Variants in MYT1L observed in about 807,000 individuals in gnomAD.
MYT1L encodes the protein myelin transcription factor 1 like, also known as myelin transcription factor 1-like protein.
In MYT1L, 12 loss-of-function variants were observed where a neutral mutation model predicts 126.7. The ratio of observed to expected loss-of-function variants is 0.09; its 90% CI spans 0.06 to 0.15. The LOEUF (loss-of-function observed/expected upper bound fraction) is 0.15, where lower values mean the gene tolerates loss of function less well. MYT1L is among the 10% of genes least tolerant of loss of function. The probability of loss-of-function intolerance (pLI) is 1.00; values close to 1 mark genes in which losing one functional copy is unlikely to be tolerated. For missense variants in MYT1L, 979 were observed against 1,585.2 expected (o/e 0.62, Z 6.49); for synonymous variants, 541 against 604.2 (o/e 0.90, Z 1.53).
At position 1,892,100 on chromosome 2, in the gene MYT1L, G is replaced by T; in HGVS notation, c.2220C>A (p.Ser740=). The part of the protein sequence containing the change: ...HMAATAILNL[S]TRCREMPQNL... Reference sequence around the variant, plus strand: ...TCTGCGGCATCTCGCGGCAGCGCGTGGACAGGTTGAGGATGGCGGTGGCCG... The same window carrying T: ...TCTGCGGCATCTCGCGGCAGCGCGTTGACAGGTTGAGGATGGCGGTGGCCG... The change falls in exon 15 of 25, where the codon TCC becomes TCA. Residue 740 remains serine (S), a synonymous_variant. Coordinates refer to ENST00000647738, the MANE Select transcript of MYT1L (RefSeq NM_001303052.2). 1 of 1,545,358 alleles carries T rather than the reference G, an allele frequency of 6.5e-7. No individual in the cohort carries two copies. The highest frequency in any genetic ancestry group is 2.4e-5 in the East Asian group (1 of 40,894).
chr2:1,959,884 A>G (rs2058818625), intron 8 of MYT1L, among the ~76,000 whole-genome samples: 1 of 152,234 alleles, frequency 6.6e-6, no homozygotes. Flanking sequence ...ATCATATCTT[A>G]TTATGAATTA....
intron 21 of MYT1L, among the ~76,000 whole-genome samples, chr2:1,838,410 C>T (rs959832825): frequency 6.6e-6 from 1 of 152,150 alleles, no homozygotes; most frequent in African/African-American, 2.4e-5. Flanking sequence ...GTGTGATTTT[C>T]GTAGAAAGTG....
intron 3 of MYT1L, among the ~76,000 whole-genome samples, chr2:2,079,951 G>C (rs1034731406): frequency 6.6e-6 from 1 of 152,144 alleles, no homozygotes; most frequent in Admixed American, 6.5e-5. Flanking sequence ...AACTGAGAGA[G>C]GATGGTACCA....
At chr2:2,271,317 C>T (rs1472824091) in intron 2 of MYT1L, among the ~76,000 whole-genome samples, 6 of 152,202 alleles carry the variant, frequency 3.9e-5, no homozygotes, top group African/African-American at 1.4e-4. Flanking sequence ...GGAGCTCTCT[C>T]ATTTTGTTTA....
chr2:2,211,616 G>A (rs1054945171), intron 2 of MYT1L, among the ~76,000 whole-genome samples: 1 of 151,912 alleles, frequency 6.6e-6, no homozygotes, highest in Admixed American at 6.6e-5. Flanking sequence ...GAACAGCCTA[G>A]CCAACATGGT....
chr2:2,167,807 G>A (rs944579432), intron 3 of MYT1L, among the ~76,000 whole-genome samples: 11 of 152,166 alleles, frequency 7.2e-5, no homozygotes, highest in Non-Finnish European at 1.5e-5. Context: ...GTGTTCTCTT[G>A]TTGTGGTTGT....
chr2:1,988,804 C>T (rs529071285), intron 5 of MYT1L, among the ~76,000 whole-genome samples: 59 of 152,336 alleles, frequency 3.9e-4, no homozygotes, highest in African/African-American at 1.3e-3. Context: ...GCTGTGATTA[C>T]AGGCATGAGC....
At chr2:2,041,433 G>A (rs184759558) in intron 4 of MYT1L, among the ~76,000 whole-genome samples, 1 of 152,324 alleles carries the variant, frequency 6.6e-6, no homozygotes, top group African/African-American at 2.4e-5. Flanking sequence ...AGCCGCCCAA[G>A]AGCTGCTCAG....
chr2:2,023,910 G>T (rs2149849219), intron 4 of MYT1L, among the ~76,000 whole-genome samples: 1 of 152,184 alleles, frequency 6.6e-6, no homozygotes, highest in East Asian at 1.9e-4. Context: ...ACTGGATTAG[G>T]CACCTTTGAA....
rs555553605 is a variant in MYT1L at position 1,889,595 on chromosome 2, C to G, written c.2284-118G>C. ...GTGTAGCGTTCAACACAGAATCCCT[C>G]GCTGCTGTTTCCTTGGCCTAAACTC... On this transcript the variant is annotated intron_variant, in intron 15 of 24. Coordinates refer to ENST00000647738, the MANE Select transcript of MYT1L (RefSeq NM_001303052.2). The surrounding 1 kb of genome is among the most constrained non-coding windows in gnomAD (Gnocchi z 4.1). 2.7e-6 allele frequency: 2 copies of G among 739,484 alleles called. No homozygotes were observed. Among genetic ancestry groups the G allele is most frequent in the South Asian group, 4.9e-5 (2 of 41,146 alleles). 45.8% of individuals were successfully genotyped at this position (739,484 alleles called of 1,614,324 possible). A position where few individuals can be genotyped will look rare whatever the true frequency, so the allele number is the denominator to read the frequency against.
chr2:2,102,604 A>ATGTGTGTGTGTGTGTGTGTG (rs3047992), intron 3 of MYT1L, among the ~76,000 whole-genome samples: 1 of 143,012 alleles, frequency 7.0e-6, no homozygotes, highest in African/African-American at 2.6e-5. Context: ...CCTCTTGGGA[A>ATGTGTGTGTGTGTGTGTGTG]TGTGTGTGTG....
chr2:2,315,183 C>G (rs886292703), intron 1 of MYT1L, among the ~76,000 whole-genome samples: 1 of 152,122 alleles, frequency 6.6e-6, no homozygotes, highest in African/African-American at 2.4e-5. Context: ...GATATTATAA[C>G]CTTTTCTCTG....
intron 3 of MYT1L, among the ~76,000 whole-genome samples, chr2:2,164,231 T>C (rs576592307): frequency 2.0e-5 from 3 of 152,196 alleles, no homozygotes; most frequent in Non-Finnish European, 4.4e-5. Context: ...TTTTTTCTTA[T>C]AGTTATGTCC....
At chr2:2,033,920 C>T (rs1289251869) in intron 4 of MYT1L, among the ~76,000 whole-genome samples, 3 of 152,164 alleles carry the variant, frequency 2.0e-5, no homozygotes, top group Admixed American at 2.0e-4. Flanking sequence ...AGAGTCAAGT[C>T]ATGGTAATGA....
intron 2 of MYT1L, among the ~76,000 whole-genome samples, chr2:2,255,793 G>T (rs997622032): frequency 1.3e-5 from 2 of 152,078 alleles, no homozygotes; most frequent in African/African-American, 4.8e-5. Flanking sequence ...TCTGGAGGCC[G>T]TTTCTAGTCC....
At chr2:1,839,044 A>G (rs537762023) in intron 21 of MYT1L, 105 bp downstream of exon 21, 225 of 988,572 alleles carry the variant, frequency 2.3e-4, no homozygotes, top group Non-Finnish European at 3.1e-4. Context: ...CTTTCTAAAC[A>G]CAGGTGACGG....
chr2:2,255,838 C>T (rs2094795119), intron 2 of MYT1L, among the ~76,000 whole-genome samples: 1 of 152,152 alleles, frequency 6.6e-6, no homozygotes, highest in Non-Finnish European at 1.5e-5. Context: ...TATTGTCTTT[C>T]ATCTGGGATA....
intron 9 of MYT1L, among the ~76,000 whole-genome samples, chr2:1,942,189 C>A (rs1573809426): frequency 6.6e-6 from 1 of 152,222 alleles, no homozygotes; most frequent in East Asian, 1.9e-4. Context: ...AACAAACAAA[C>A]AAAACCACAA....
At position 2,159,087 on chromosome 2, in the gene MYT1L, G is replaced by A. The variant is rs140532599; in HGVS notation, c.-304+13785C>T. 5.5e-4 allele frequency among the ~76,000 whole-genome samples: 83 copies of A among 152,216 alleles called. No individual in the cohort carries two copies. The Middle Eastern group carries it at 0.014, about 25-fold the overall frequency. On this transcript the variant is annotated intron_variant, in intron 3 of 24. Transcript: ENST00000647738. ...TGCCCACATCTCACTTCCACAATCC[G>A]CAGGTTGCTGTAGCAATCAGCCGGC...
Sources: gnomAD v4.1 joint callset for allele counts (sites outside exome capture counted in the v4.1 genomes callset) on GRCh38, gnomAD v4.1.1 for gene constraint, Gnocchi (gnomAD v3.1) non-coding constraint, MANE v1.5 for transcripts, NCBI Gene and HGNC (gene_info 2026-07-23, HGNC 2026-07-21) for gene names.